The following RBFOX1 variants were observed in gnomAD, a reference collection of about 807,000 sequenced individuals.
RBFOX1 encodes RNA binding protein fox-1 homolog 1.
RBFOX1 carries 8 observed loss-of-function variants against 57.7 expected under a neutral mutation model. The ratio of observed to expected loss-of-function variants is 0.14; its 90% CI spans 0.08 to 0.25. The LOEUF (loss-of-function observed/expected upper bound fraction) is 0.25. Among genes scored for constraint, RBFOX1 ranks in the 10% least tolerant of loss-of-function variants. The pLI, the probability that RBFOX1 is intolerant of heterozygous loss-of-function variation, is 1.00. For missense variants in RBFOX1, 611 were observed against 548.5 expected, an observed-to-expected ratio of 1.11 and a Z score of -1.14; for synonymous variants, 326 against 222.4, an observed-to-expected ratio of 1.47 and a Z score of -4.15.
chr16:7,179,810 C>T (rs548434564), intron 4 of RBFOX1, among the ~76,000 whole-genome samples: 1 of 152,216 alleles, frequency 6.6e-6, no homozygotes, highest in South Asian at 2.1e-4. Context: ...TCTCGGCTCA[C>T]TGCAACCTAC....
At chr16:6,735,220 T>C (rs950016931) in intron 3 of RBFOX1, among the ~76,000 whole-genome samples, 1 of 152,182 alleles carries the variant, frequency 6.6e-6, no homozygotes, top group African/African-American at 2.4e-5. Flanking sequence ...TATTGCTAGA[T>C]GCACATGATT....
intron 3 of RBFOX1, among the ~76,000 whole-genome samples, chr16:6,910,133 G>A (rs979249461): frequency 1.3e-5 from 2 of 152,034 alleles, no homozygotes; most frequent in African/African-American, 4.8e-5. Context: ...AAGAGATTGG[G>A]CATTCTAGCG....
chr16:6,933,573 T>G (rs1464905370), intron 3 of RBFOX1, among the ~76,000 whole-genome samples: 1 of 152,150 alleles, frequency 6.6e-6, no homozygotes, highest in African/African-American at 2.4e-5. Context: ...ATTATCCAGG[T>G]GTGGTGGCAA....
intron 3 of RBFOX1, among the ~76,000 whole-genome samples, chr16:5,819,768 C>T (rs1393050921): frequency 2.0e-5 from 3 of 152,168 alleles, no homozygotes; most frequent in African/African-American, 4.8e-5. Flanking sequence ...TAGTTTCTTT[C>T]AACAAATATT....
intron 1 of RBFOX1, among the ~76,000 whole-genome samples, chr16:6,264,032 C>G (rs529365537): frequency 5.3e-5 from 8 of 152,234 alleles, no homozygotes; most frequent in East Asian, 1.9e-4. Flanking sequence ...ACTATTTTGA[C>G]TTTAATTTGC....
intron 3 of RBFOX1, among the ~76,000 whole-genome samples, chr16:6,835,255 C>T (rs1013063151): frequency 6.6e-6 from 1 of 152,072 alleles, no homozygotes; most frequent in African/African-American, 2.4e-5. Context: ...GGACTAAGAT[C>T]CACAAACACA....
intron 4 of RBFOX1, among the ~76,000 whole-genome samples, chr16:5,901,273 C>T (rs936592691): frequency 4.6e-5 from 7 of 152,138 alleles, no homozygotes; most frequent in African/African-American, 1.4e-4. Context: ...AGGTCCTAAT[C>T]GTTCCTCTTT....
chr16:7,308,925 G>C (rs2096252043), intron 4 of RBFOX1, among the ~76,000 whole-genome samples: 1 of 152,170 alleles, frequency 6.6e-6, no homozygotes, highest in Non-Finnish European at 1.5e-5. Flanking sequence ...GATTTATAGG[G>C]GGCCAAATGG....
intron 2 of RBFOX1, among the ~76,000 whole-genome samples, chr16:6,366,619 T>C (rs2089665931): frequency 6.6e-6 from 1 of 152,222 alleles, no homozygotes; most frequent in African/African-American, 2.4e-5. Context: ...TAATAACTAC[T>C]TACCATGTGC....
intron 2 of RBFOX1, among the ~76,000 whole-genome samples, chr16:6,495,695 A>C (rs2095751451): frequency 6.6e-6 from 1 of 152,150 alleles, no homozygotes; most frequent in Non-Finnish European, 1.5e-5. Flanking sequence ...CAAGACGTAG[A>C]TTTCACAACC....
intron 2 of RBFOX1, among the ~76,000 whole-genome samples, chr16:5,489,537 G>A (rs1421370116): frequency 6.6e-6 from 1 of 152,118 alleles, no homozygotes; most frequent in Non-Finnish European, 1.5e-5. Flanking sequence ...TTTTGACTTG[G>A]TTTCTTTGTC....
intron 3 of RBFOX1, among the ~76,000 whole-genome samples, chr16:6,800,369 A>G (rs2085113813): frequency 6.6e-6 from 1 of 152,128 alleles, no homozygotes; most frequent in Non-Finnish European, 1.5e-5. Flanking sequence ...GCAATAAGTT[A>G]AGGAAGTGGT....
chr16:6,742,516 A>G (rs2072489037), intron 3 of RBFOX1, among the ~76,000 whole-genome samples: 1 of 152,154 alleles, frequency 6.6e-6, no homozygotes, highest in African/African-American at 2.4e-5. Flanking sequence ...TCCACGAAAA[A>G]CCCCAGAAAG....
chr16:7,212,554 A>G (rs1163903216), intron 4 of RBFOX1, among the ~76,000 whole-genome samples: 1 of 152,142 alleles, frequency 6.6e-6, no homozygotes, highest in Non-Finnish European at 1.5e-5. Flanking sequence ...CTGGGCACGA[A>G]CATTTTTCCA....
chr16:6,709,159 T>C (rs1413216987), intron 3 of RBFOX1, among the ~76,000 whole-genome samples: 1 of 152,112 alleles, frequency 6.6e-6, no homozygotes, highest in Non-Finnish European at 1.5e-5. Flanking sequence ...TGAAAGCTGG[T>C]AAATTGGTTC....
intron 2 of RBFOX1, among the ~76,000 whole-genome samples, chr16:6,564,514 G>T (rs1264430934): frequency 6.6e-6 from 1 of 151,952 alleles, no homozygotes; most frequent in African/African-American, 2.4e-5. Context: ...GTAAACCTGG[G>T]GGACACCGTG....
intron 3 of RBFOX1, among the ~76,000 whole-genome samples, chr16:6,685,863 A>G (rs2059371681): frequency 6.6e-6 from 1 of 152,130 alleles, no homozygotes; most frequent in Admixed American, 6.5e-5. Context: ...TTTCTGTCTT[A>G]AAGCCACCAT....
chr16:7,640,460 T>A (rs988164268), intron 11 of RBFOX1, among the ~76,000 whole-genome samples: 9 of 152,230 alleles, frequency 5.9e-5, no homozygotes, highest in Non-Finnish European at 1.0e-4. Context: ...CCCCCAAACA[T>A]CTTATTTGTC....
chr16:5,336,217 A>C (rs1414318224), intron 1 of RBFOX1, among the ~76,000 whole-genome samples: 1 of 152,122 alleles, frequency 6.6e-6, no homozygotes, highest in Non-Finnish European at 1.5e-5. Context: ...GCTCTCTGTC[A>C]AAGGGGGATG....
Sources: allele counts gnomAD v4.1 joint callset (sites outside exome capture counted in the v4.1 genomes callset), GRCh38; gene constraint gnomAD v4.1.1; transcripts MANE v1.5; gene names NCBI Gene and HGNC (gene_info 2026-07-23, HGNC 2026-07-21).